The following PDGFRL variants were observed in gnomAD, a reference collection of about 807,000 sequenced individuals.
PDGFRL encodes the protein platelet derived growth factor receptor like, also known as platelet-derived growth factor receptor-like protein.
PDGFRL carries 46 observed loss-of-function variants against 37.2 expected under a neutral mutation model. The ratio of observed to expected loss-of-function variants is 1.24; its 90% confidence interval spans 0.98 to 1.58. The LOEUF (loss-of-function observed/expected upper bound fraction) is 1.58. PDGFRL is among the 40% of genes most tolerant of loss of function. The pLI is 0.00. For synonymous variants in PDGFRL, 251 were observed against 184.3 expected (o/e 1.36, Z -2.93); for missense variants, 692 against 467.6 (o/e 1.48, Z -4.43).
At chr8:17,628,845 C>T (rs1804795832) in intron 4 of PDGFRL, 65 bp downstream of exon 4, 2 of 1,079,230 alleles carry the variant, frequency 1.9e-6, no homozygotes, top group East Asian at 4.8e-5. Context: ...TACTGCTGTT[C>T]CCTGCCTGCA....
At chr8:17,577,445 G>A in intron 1 of PDGFRL, 138 bp downstream of exon 1, 2 of 728,246 alleles carry the variant, frequency 2.7e-6, no homozygotes, top group South Asian at 1.5e-5. Context: ...CTGCCTGCCC[G>A]GTGCACCTGC....
At chr8:17,631,959 T>C (rs28396775) in intron 4 of PDGFRL, among the ~76,000 whole-genome samples, 4,867 of 152,286 alleles carry the variant, frequency 0.032, 139 homozygotes, top group African/African-American at 0.072. Flanking sequence ...AGTGGCCGGA[T>C]CTAGGAGCAT....
At chr8:17,584,716 G>C (rs2150809185) in intron 1 of PDGFRL, among the ~76,000 whole-genome samples, 1 of 71,512 alleles carries the variant, frequency 1.4e-5, no homozygotes, top group Middle Eastern at 6.3e-3. Context: ...CTCAGAAACT[G>C]CTTTTTTTTT....
Position 17,587,064 on chromosome 8 carries a change from T to C in PDGFRL, c.56-2404T>C, listed in dbSNP as rs867094821. On this transcript the variant is annotated intron_variant, in intron 1 of 5. Transcript: ENST00000251630. ...TCATATTCTTTTAAACAGTTAGACATGGGATTTGGGAGTCACTCAATTCCA... is the reference window on the plus strand; with the variant it reads ...TCATATTCTTTTAAACAGTTAGACACGGGATTTGGGAGTCACTCAATTCCA... Among the ~76,000 whole-genome samples, 5 of 152,264 alleles carry C rather than the reference T, an allele frequency of 3.3e-5. No individual in the cohort carries two copies. The South Asian group carries it at 8.3e-4, about 25-fold the overall frequency.
rs144080431 is a variant in PDGFRL, at chr8:17,578,355, T to C, written c.55+1048T>C. Among the ~76,000 whole-genome samples, 31 of 152,260 alleles carry C rather than the reference T, an allele frequency of 2.0e-4. 1 individual carries two copies. The East Asian group carries it at 5.6e-3, about 28-fold the overall frequency. On this transcript the variant is annotated intron_variant, in intron 1 of 5. Transcript: ENST00000251630. ...CCTTTCTTTCCTAGGAAACTACATT[T>C]GCCAAAAAAATACCGCATTGTAGTT...
chr8:17,588,429 C>T (rs994993049), intron 1 of PDGFRL, among the ~76,000 whole-genome samples: 13 of 151,996 alleles, frequency 8.6e-5, no homozygotes, highest in Non-Finnish European at 2.9e-5. Context: ...ATAATTGCAG[C>T]ACTTTGGGAG....
intron 3 of PDGFRL, among the ~76,000 whole-genome samples, chr8:17,625,210 G>T (rs7830054): frequency 2.0e-5 from 3 of 148,830 alleles, no homozygotes; most frequent in Non-Finnish European, 4.4e-5. Context: ...GGAGTGCAGT[G>T]GCACCATCTC....
rs148433309 is a variant in PDGFRL, at chr8:17,604,749, A to T, written c.353+14984A>T. Among the ~76,000 whole-genome samples, 1,476 of 152,248 alleles carry T rather than the reference A, an allele frequency of 9.7e-3. 32 individuals carry two copies. Among genetic ancestry groups the T allele is most frequent in the African/African-American group, 0.034 (1,406 of 41,536 alleles). The stretch of plus-strand genomic sequence containing the variant: ...TTAAAGTATAATAATAATAAAATTT[A>T]AAAAAAATTTAGAGCAAAATTTAGG... On this transcript the variant is annotated intron_variant, in intron 2 of 5. Coordinates refer to ENST00000251630, the MANE Select transcript of PDGFRL (RefSeq NM_001372073.1).
At chr8:17,633,100 C>G (rs778380602) in intron 4 of PDGFRL, among the ~76,000 whole-genome samples, 4 of 152,326 alleles carry the variant, frequency 2.6e-5, no homozygotes, top group East Asian at 1.9e-4. Flanking sequence ...ATCACCCTCC[C>G]TGCTCTAGGC....
intron 3 of PDGFRL, 103 bp from the exon 4 acceptor site, chr8:17,628,384 C>G: frequency 1.3e-6 from 1 of 791,196 alleles, no homozygotes; most frequent in Non-Finnish European, 2.1e-6. Context: ...GCCTTTCCTA[C>G]TCCTAAGGAC....
intron 2 of PDGFRL, among the ~76,000 whole-genome samples, chr8:17,591,162 G>T (rs1490963919): frequency 6.6e-6 from 1 of 152,092 alleles, no homozygotes; most frequent in Non-Finnish European, 1.5e-5. Context: ...GATTACAGGC[G>T]TGAGCCACCG....
At chr8:17,598,647 C>G (rs1804102525) in intron 2 of PDGFRL, among the ~76,000 whole-genome samples, 1 of 152,156 alleles carries the variant, frequency 6.6e-6, no homozygotes, top group African/African-American at 2.4e-5. Flanking sequence ...GGTGCTGTGT[C>G]ACCTGGATCC....
intron 3 of PDGFRL, among the ~76,000 whole-genome samples, chr8:17,623,960 GA>G (rs1207727873): frequency 6.6e-6 from 1 of 150,376 alleles, no homozygotes; most frequent in African/African-American, 2.4e-5. Context: ...GGGAACCAAA[GA>G]AAAGCTAAAA....
In PDGFRL at chr8:17,583,739, T is replaced by C. The variant is rs572031056; in HGVS notation, c.56-5729T>C. Among the ~76,000 whole-genome samples, 14 of 152,244 alleles carry C rather than the reference T, an allele frequency of 9.2e-5. No individual in the cohort carries two copies. The South Asian group carries it at 2.9e-3, about 32-fold the overall frequency. On this transcript the variant is annotated intron_variant, in intron 1 of 5. Coordinates refer to ENST00000251630, the MANE Select transcript of PDGFRL (RefSeq NM_001372073.1). ...TAATAGAACTAATAGCGTGAGTTCT[T>C]GCTCCACTAATTCATGTAAGAGCTG...
At chr8:17,584,452 A>C (rs1803773015) in intron 1 of PDGFRL, among the ~76,000 whole-genome samples, 1 of 152,052 alleles carries the variant, frequency 6.6e-6, no homozygotes, top group South Asian at 2.1e-4. Context: ...TGCAGGGGTC[A>C]CGGGATTGTG....
Position 17,621,545 on chromosome 8 carries a change from C to T in PDGFRL, c.505+343C>T, listed in dbSNP as rs191799626. On this transcript the variant is annotated intron_variant, in intron 3 of 5. Transcript: ENST00000251630. ...GGGTCTGTCCCTGCACTCCCCAATA[C>T]GGTGACCACTAAACATGTGTGGCTA... 2.6e-3 allele frequency among the ~76,000 whole-genome samples: 392 copies of T among 152,134 alleles called. 1 individual carries two copies. Among genetic ancestry groups the T allele is most frequent in the African/African-American group, 9.0e-3 (373 of 41,516 alleles).
chr8:17,641,896 T>TCCCCTCCCCCCCCCCCCCCCCCCACC (rs144394170), intron 5 of PDGFRL, among the ~76,000 whole-genome samples: 1 of 103,888 alleles, frequency 9.6e-6, no homozygotes, highest in Non-Finnish European at 1.8e-5. Context: ...TCAATAGAGG[T>TCCCCTCCCCCCCCCCCCCCCCCCACC]CCCCGCCACA....
chr8:17,620,167 G>A (rs1804602398), intron 2 of PDGFRL, among the ~76,000 whole-genome samples: 1 of 152,064 alleles, frequency 6.6e-6, no homozygotes, highest in Non-Finnish European at 1.5e-5. Flanking sequence ...TTGCTATGTT[G>A]CTCAGGTTGG....
At chr8:17,602,917 T>C (rs1011917494) in intron 2 of PDGFRL, among the ~76,000 whole-genome samples, 27 of 152,354 alleles carry the variant, frequency 1.8e-4, no homozygotes, top group African/African-American at 6.3e-4. Context: ...GGCTACGTAG[T>C]GGTCACAGTT....
Sources: allele counts gnomAD v4.1 joint callset (sites outside exome capture counted in the v4.1 genomes callset), GRCh38; gene constraint gnomAD v4.1.1; transcripts MANE v1.5; gene names NCBI Gene and HGNC (gene_info 2026-07-23, HGNC 2026-07-21).